SCHIP1: variants seen among roughly 807,000 people sequenced by gnomAD.
The protein encoded by SCHIP1 is schwannomin interacting protein 1, also known as schwannomin-interacting protein 1.
In SCHIP1, 8 loss-of-function variants were observed where a neutral mutation model predicts 29.7. The observed-to-expected ratio is 0.27, with a 90% CI of 0.16 to 0.49. The LOEUF is 0.49. Ranked by LOEUF, SCHIP1 falls within the 20% of genes least tolerant of loss-of-function variation. SCHIP1 has a pLI of 0.99. For synonymous variants in SCHIP1, 76 were observed against 94.9 expected (o/e 0.80, Z 1.16); for missense variants, 193 against 294.6 (o/e 0.66, Z 2.52).
chr3:159,321,630 A>G, the SCHIP1 span, among the ~76,000 whole-genome samples: 44 of 152,214 alleles, frequency 2.9e-4, no homozygotes, highest in Non-Finnish European at 5.4e-4. Context: ...TTAGTTACAT[A>G]TGTATACATG....
chr3:159,784,022 G>T, the SCHIP1 span, among the ~76,000 whole-genome samples: 15 of 152,308 alleles, frequency 9.8e-5, no homozygotes, highest in African/African-American at 3.1e-4. Flanking sequence ...CAGGTCCAAG[G>T]AGGTTAGAGA....
the SCHIP1 span, among the ~76,000 whole-genome samples, chr3:159,684,896 C>CCAAT: frequency 1.2e-3 from 188 of 151,632 alleles, no homozygotes; most frequent in African/African-American, 4.5e-3. Flanking sequence ...TCAATAATTA[C>CCAAT]CAAACTTCAA....
the SCHIP1 span, among the ~76,000 whole-genome samples, chr3:159,679,423 G>C: frequency 1.3e-5 from 2 of 152,186 alleles, no homozygotes; most frequent in Non-Finnish European, 1.5e-5. Context: ...TAAACAAGTT[G>C]TAGATGAAGT....
At chr3:159,618,882 A>C in the SCHIP1 span, among the ~76,000 whole-genome samples, 6 of 152,246 alleles carry the variant, frequency 3.9e-5, no homozygotes, top group African/African-American at 1.4e-4. Context: ...CCCGGAAGCC[A>C]CATGGCCTAG....
At chr3:159,774,645 G>C in the SCHIP1 span, among the ~76,000 whole-genome samples, 2 of 152,122 alleles carry the variant, frequency 1.3e-5, no homozygotes, top group Admixed American at 6.5e-5. Context: ...AAGCCCAGGT[G>C]GTAGGAATGA....
At chr3:159,627,888 G>A in the SCHIP1 span, among the ~76,000 whole-genome samples, 1 of 152,214 alleles carries the variant, frequency 6.6e-6, no homozygotes, top group East Asian at 1.9e-4. Flanking sequence ...GAAGGCAGCT[G>A]CTGAAAGGTA....
chr3:159,881,737 C>T (rs749328280), intron 2 of SCHIP1, among the ~76,000 whole-genome samples: 6 of 152,168 alleles, frequency 3.9e-5, no homozygotes, highest in Admixed American at 6.5e-5. Flanking sequence ...AATGATGATG[C>T]GTAATTTTTT....
the SCHIP1 span, among the ~76,000 whole-genome samples, chr3:159,768,823 C>T: frequency 7.2e-5 from 11 of 152,156 alleles, no homozygotes; most frequent in Non-Finnish European, 1.5e-4. Flanking sequence ...CCCAGTAGTT[C>T]GCATTGTGCC....
chr3:159,350,291 C>T, the SCHIP1 span, among the ~76,000 whole-genome samples: 1 of 152,114 alleles, frequency 6.6e-6, no homozygotes, highest in African/African-American at 2.4e-5. Context: ...ACATTCATTC[C>T]ATCACTGTAC....
chr3:159,337,641 G>T, the SCHIP1 span, among the ~76,000 whole-genome samples: 1 of 152,156 alleles, frequency 6.6e-6, no homozygotes, highest in East Asian at 1.9e-4. Flanking sequence ...GCTTACAAGG[G>T]ACATGATGTC....
the SCHIP1 span, among the ~76,000 whole-genome samples, chr3:159,514,018 C>T: frequency 0.68 from 103,191 of 152,046 alleles, 35,604 homozygotes; most frequent in African/African-American, 0.8. Context: ...AGGTGCAAGA[C>T]GTGAAATGAA....
chr3:159,315,197 CTTTTTTT>C, the SCHIP1 span, among the ~76,000 whole-genome samples: 1 of 91,084 alleles, frequency 1.1e-5, no homozygotes. Context: ...TTTAGGACTT[CTTTTTTT>C]TTTTTTTTTT....
At chr3:159,340,088 T>C in the SCHIP1 span, among the ~76,000 whole-genome samples, 1 of 152,126 alleles carries the variant, frequency 6.6e-6, no homozygotes. Flanking sequence ...TGCTAGATCA[T>C]TAAATATACT....
the SCHIP1 span, among the ~76,000 whole-genome samples, chr3:159,678,124 G>A: frequency 6.6e-6 from 1 of 152,190 alleles, no homozygotes; most frequent in Non-Finnish European, 1.5e-5. Flanking sequence ...TCTGTCTGTT[G>A]TGTTTATTTC....
the SCHIP1 span, among the ~76,000 whole-genome samples, chr3:159,747,626 T>C: frequency 6.6e-6 from 1 of 152,112 alleles, no homozygotes; most frequent in Non-Finnish European, 1.5e-5. Context: ...TTAGTGATCC[T>C]GGCTGTCTAT....
At chr3:159,805,380 T>C in the SCHIP1 span, among the ~76,000 whole-genome samples, 1 of 152,006 alleles carries the variant, frequency 6.6e-6, no homozygotes, top group Admixed American at 6.6e-5. Flanking sequence ...GAGGCATGGG[T>C]TTACCTCTCA....
At chr3:159,744,741 G>T in the SCHIP1 span, among the ~76,000 whole-genome samples, 1 of 152,192 alleles carries the variant, frequency 6.6e-6, no homozygotes, top group African/African-American at 2.4e-5. Context: ...ACTTTGGGAG[G>T]CCGAGGCGGG....
At chr3:159,511,343 C>T in the SCHIP1 span, among the ~76,000 whole-genome samples, 3 of 152,284 alleles carry the variant, frequency 2.0e-5, no homozygotes, top group Admixed American at 6.5e-5. Flanking sequence ...TGGGAGTGAC[C>T]GGATTTTCCA....
At chr3:159,366,007 G>A in the SCHIP1 span, among the ~76,000 whole-genome samples, 1 of 151,714 alleles carries the variant, frequency 6.6e-6, no homozygotes, top group South Asian at 2.1e-4. Context: ...ACCCAAGACA[G>A]GGTTGTTGTT....
Sources: gnomAD v4.1 joint callset for allele counts (sites outside exome capture counted in the v4.1 genomes callset) on GRCh38, gnomAD v4.1.1 for gene constraint, MANE v1.5 for transcripts, NCBI Gene and HGNC (gene_info 2026-07-23, HGNC 2026-07-21) for gene names.